TSPAN15: variants seen among roughly 807,000 people sequenced by gnomAD.
The protein encoded by TSPAN15 is tetraspanin-15.
A neutral mutation model predicts 34.5 loss-of-function variants in TSPAN15; 20 were observed. That is an observed-to-expected ratio of 0.58 (90% confidence interval 0.41 to 0.84). The LOEUF is 0.84. Among genes scored for constraint, TSPAN15 ranks in the 40% least tolerant of loss-of-function variants. The probability of loss-of-function intolerance (pLI) is 0.00; values close to 1 mark genes in which losing one functional copy is unlikely to be tolerated. For missense variants in TSPAN15, 313 were observed against 386.1 expected (o/e 0.81, Z 1.59); for synonymous variants, 155 against 153.9 (o/e 1.01, Z -0.05).
intron 5 of TSPAN15, among the ~76,000 whole-genome samples, chr10:69,499,693 G>A (rs932744201): frequency 2.0e-5 from 3 of 152,162 alleles, no homozygotes; most frequent in African/African-American, 7.2e-5. Context: ...AAAAGATAGA[G>A]GATCATAAAT....
intron 1 of TSPAN15, among the ~76,000 whole-genome samples, chr10:69,466,982 C>T (rs1040111947): frequency 3.3e-5 from 5 of 152,186 alleles, no homozygotes; most frequent in Admixed American, 1.3e-4. Flanking sequence ...TTTGCTGGGT[C>T]GCATCAGCGC....
At chr10:69,493,470 CTTTTT>C (rs5785919) in intron 3 of TSPAN15, among the ~76,000 whole-genome samples, 1 of 118,796 alleles carries the variant, frequency 8.4e-6, no homozygotes, top group South Asian at 2.8e-4. Flanking sequence ...AGCCCATCTC[CTTTTT>C]TTTTTTTTTT....
chr10:69,543,381 A>C, the TSPAN15 span, among the ~76,000 whole-genome samples: 79,917 of 151,992 alleles, frequency 0.53, 21,719 homozygotes, highest in East Asian at 0.9. Flanking sequence ...CCCTTCCTGA[A>C]CCCATCCATG....
intron 1 of TSPAN15, among the ~76,000 whole-genome samples, chr10:69,459,105 C>CAAAAAAAA (rs1259881929): frequency 5.2e-5 from 3 of 57,682 alleles, no homozygotes; most frequent in African/African-American, 1.1e-4. Context: ...ACAAAACAGA[C>CAAAAAAAA]AAAAAAAAAA....
the TSPAN15 span, among the ~76,000 whole-genome samples, chr10:69,541,785 C>T: frequency 1.3e-5 from 2 of 152,218 alleles, no homozygotes; most frequent in Admixed American, 1.3e-4. Context: ...AAGCAATGGC[C>T]TAAGCTATAC....
chr10:69,531,649 G>A, the TSPAN15 span, among the ~76,000 whole-genome samples: 2 of 151,980 alleles, frequency 1.3e-5, no homozygotes, highest in Non-Finnish European at 2.9e-5. Flanking sequence ...AAGAGAATAA[G>A]GGGGAGAATA....
intron 1 of TSPAN15, among the ~76,000 whole-genome samples, chr10:69,464,814 G>A (rs59299649): frequency 0.016 from 2,480 of 152,286 alleles, 67 homozygotes; most frequent in African/African-American, 0.057. Flanking sequence ...CTCTGCCAAT[G>A]GGACAATCTC....
At chr10:69,523,052 C>T in the TSPAN15 span, among the ~76,000 whole-genome samples, 2 of 147,892 alleles carry the variant, frequency 1.4e-5, no homozygotes, top group Non-Finnish European at 3.0e-5. Flanking sequence ...ATAGTTTTAG[C>T]TCTTACATTT....
At chr10:69,495,541 T>A in intron 3 of TSPAN15, 53 bp from the exon 4 acceptor site, 1 of 1,383,412 alleles carries the variant, frequency 7.2e-7, no homozygotes. Flanking sequence ...AACCTTGGGT[T>A]GGACTCCGGG....
the TSPAN15 span, among the ~76,000 whole-genome samples, chr10:69,514,652 AT>A: frequency 6.6e-6 from 1 of 152,190 alleles, no homozygotes; most frequent in Non-Finnish European, 1.5e-5. Flanking sequence ...CTCCCTTATT[AT>A]TCTAGAATCT....
chr10:69,473,907 G>A (rs1304038141), intron 1 of TSPAN15, among the ~76,000 whole-genome samples: 1 of 152,130 alleles, frequency 6.6e-6, no homozygotes, highest in Non-Finnish European at 1.5e-5. Flanking sequence ...CCATGCAAAG[G>A]GGGAAAGAAT....
At chr10:69,494,605 A>G (rs1257335758) in intron 3 of TSPAN15, 3 of 978,700 alleles carry the variant, frequency 3.1e-6, no homozygotes, top group East Asian at 1.1e-4. Context: ...AGATAGGCCT[A>G]CGGGTTTGGT....
At chr10:69,533,138 A>C in the TSPAN15 span, among the ~76,000 whole-genome samples, 2 of 152,212 alleles carry the variant, frequency 1.3e-5, no homozygotes, top group African/African-American at 4.8e-5. Context: ...AAGAACTAAA[A>C]GTAGCACTAC....
At chr10:69,466,309 T>G (rs144751020) in intron 1 of TSPAN15, among the ~76,000 whole-genome samples, 2 of 152,180 alleles carry the variant, frequency 1.3e-5, no homozygotes, top group East Asian at 3.9e-4. Context: ...GGTGTGACCT[T>G]GTGGGAGTGC....
At chr10:69,545,415 G>A in the TSPAN15 span, among the ~76,000 whole-genome samples, 2 of 152,176 alleles carry the variant, frequency 1.3e-5, no homozygotes, top group African/African-American at 4.8e-5. Context: ...AGAGACTCAG[G>A]GGCACCCCTA....
downstream of TSPAN15, among the ~76,000 whole-genome samples, chr10:69,508,077 C>T (rs895940868): frequency 6.6e-6 from 1 of 152,120 alleles, no homozygotes; most frequent in African/African-American, 2.4e-5. Context: ...CGTCAGTCCA[C>T]TCAAACCTTC....
At chr10:69,485,244 T>C in intron 3 of TSPAN15, 29 bp downstream of exon 3, 1 of 1,608,482 alleles carries the variant, frequency 6.2e-7, no homozygotes. Context: ...GTATCGGCCA[T>C]GTGTGTATGG....
At chr10:69,471,447 T>C (rs1171276983) in intron 1 of TSPAN15, among the ~76,000 whole-genome samples, 4 of 152,210 alleles carry the variant, frequency 2.6e-5, no homozygotes, top group Non-Finnish European at 5.9e-5. Context: ...TTTACAAACA[T>C]GCAGAGCCCA....
At chr10:69,465,336 G>T (rs1011271274) in intron 1 of TSPAN15, among the ~76,000 whole-genome samples, 1 of 152,216 alleles carries the variant, frequency 6.6e-6, no homozygotes, top group African/African-American at 2.4e-5. Flanking sequence ...CTGAGATGGG[G>T]TGGGGCCTAC....
Sources: allele counts gnomAD v4.1 joint callset (sites outside exome capture counted in the v4.1 genomes callset), GRCh38; gene constraint gnomAD v4.1.1; transcripts MANE v1.5; gene names NCBI Gene and HGNC (gene_info 2026-07-23, HGNC 2026-07-21).